The following MCC variants were observed in gnomAD, a reference collection of about 807,000 sequenced individuals.
MCC encodes the protein colorectal mutant cancer protein.
In MCC, 90 loss-of-function variants were observed where a neutral mutation model predicts 116.2. The ratio of observed to expected loss-of-function variants is 0.77; its 90% CI spans 0.65 to 0.92. The LOEUF is 0.92. Ranked by LOEUF, MCC falls within the 40% of genes least tolerant of loss-of-function variation. The probability of loss-of-function intolerance (pLI) is 0.00; values close to 1 mark genes in which losing one functional copy is unlikely to be tolerated. For synonymous variants in MCC, 578 were observed against 510.5 expected (o/e 1.13, Z -1.78); for missense variants, 1,516 against 1,312.2 (o/e 1.16, Z -2.40).
chr5:113,042,709 A>G (rs993402906), intron 17 of MCC, among the ~76,000 whole-genome samples: 5 of 151,952 alleles, frequency 3.3e-5, no homozygotes, highest in African/African-American at 9.7e-5. Flanking sequence ...GTGGCTCTTG[A>G]GAACTTGAAA....
At chr5:113,271,293 T>C (rs1765609180) in intron 3 of MCC, among the ~76,000 whole-genome samples, 1 of 152,136 alleles carries the variant, frequency 6.6e-6, no homozygotes, top group African/African-American at 2.4e-5. Context: ...ACCACCTACC[T>C]AGAACACTAG....
chr5:113,487,169 T>C (rs1252618791), intron 1 of MCC, among the ~76,000 whole-genome samples: 1 of 151,662 alleles, frequency 6.6e-6, no homozygotes, highest in African/African-American at 2.4e-5. Context: ...TTTTTTATTT[T>C]AAGGGAAAAA....
chr5:113,337,359 G>A lies in MCC; in HGVS notation c.627+3160C>T, dbSNP rs1019047596. On this transcript the variant is annotated intron_variant, in intron 3 of 18. Transcript: ENST00000408903. ...TGGTATACCAGGAGGCTGGACGAAG[G>A]TTCAGAAGTTTGGTTTCCTGCTTGC... is the stretch of plus-strand genomic sequence containing the variant. Among the ~76,000 whole-genome samples, 4 of 152,172 alleles carry A rather than the reference G, an allele frequency of 2.6e-5. 1 individual carries two copies. Among genetic ancestry groups the A allele is most frequent in the African/African-American group, 4.8e-5 (2 of 41,438 alleles).
In MCC at chr5:113,233,296, G is replaced by A. The variant is rs143502006; in HGVS notation, c.628-81874C>T. On this transcript the variant is annotated intron_variant, in intron 3 of 18. Transcript: ENST00000408903. ...AGCTGAAAATACCCATATTAAGGGC[G>A]GAAAGTTGCCAAAAGGTTTGATGTT... Among the ~76,000 whole-genome samples, 997 of 152,276 alleles carry A rather than the reference G, an allele frequency of 6.5e-3. 8 individuals carry two copies. Among genetic ancestry groups the A allele is most frequent in the South Asian group, 0.014 (69 of 4,816 alleles).
At position 113,024,064 on chromosome 5, in the gene MCC, C is replaced by G. The variant is rs966544350; in HGVS notation, c.*3238G>C. The G allele has an allele frequency of 4.6e-5, 7 of 152,152 alleles. No individual in the cohort carries two copies. Among genetic ancestry groups the G allele is most frequent in the Non-Finnish European group, 7.3e-5 (5 of 68,032 alleles). The allele number at this position is 152,152 out of a possible 1,614,324, so 9.4% of individuals were successfully genotyped here. A position where few individuals can be genotyped will look rare whatever the true frequency, so the allele number is the denominator to read the frequency against. ...GGTAACTTTCTTTACTACTCCTTAA[C>G]AGCTTTTAAGAAAAAGCCTATGGGC... On this transcript the variant is annotated 3_prime_UTR_variant, in exon 19 of 19. Coordinates refer to ENST00000408903, the MANE Select transcript of MCC (RefSeq NM_001085377.2).
At chr5:113,048,674 G>C (rs1752278604) in intron 16 of MCC, 1 of 292,436 alleles carries the variant, frequency 3.4e-6, no homozygotes, top group East Asian at 6.0e-5. Flanking sequence ...ATATATAAGG[G>C]TTCAGTATTA....
chr5:113,460,283 G>T (rs1771708606), intron 1 of MCC, among the ~76,000 whole-genome samples: 1 of 152,134 alleles, frequency 6.6e-6, no homozygotes, highest in African/African-American at 2.4e-5. Flanking sequence ...TGAAGCCTGA[G>T]GCATGTGACA....
chr5:113,026,715 C>A lies in MCC; in HGVS notation c.*587G>T, dbSNP rs763967093. 2.0e-5 allele frequency: 3 copies of A among 152,786 alleles called. No homozygotes were observed. The highest frequency in any genetic ancestry group is 7.2e-5 in the African/African-American group (3 of 41,448). 9.5% of individuals were successfully genotyped at this position (152,786 alleles called of 1,614,324 possible). The stretch of plus-strand genomic sequence containing the variant: ...TGGGACTGTAAGTAACACCTGTCTA[C>A]GCTCTTCCCATGACCTATAACTCCC... On this transcript the variant is annotated 3_prime_UTR_variant, in exon 19 of 19. Transcript: ENST00000408903.
chr5:113,125,094 A>T (rs980871461), intron 5 of MCC, among the ~76,000 whole-genome samples: 1 of 152,376 alleles, frequency 6.6e-6, no homozygotes, highest in African/African-American at 2.4e-5. Context: ...CACAGGATGG[A>T]AACATGAGGC....
At chr5:113,393,064 G>C (rs986041236) in intron 1 of MCC, among the ~76,000 whole-genome samples, 1 of 152,074 alleles carries the variant, frequency 6.6e-6, no homozygotes, top group Admixed American at 6.6e-5. Context: ...TATAAACTGT[G>C]TATAGATTTA....
chr5:113,192,662 A>T (rs994826343), intron 3 of MCC, among the ~76,000 whole-genome samples: 7 of 152,330 alleles, frequency 4.6e-5, no homozygotes, highest in Non-Finnish European at 7.4e-5. Flanking sequence ...CTCCTTTTCC[A>T]TAAGTTTGTA....
At chr5:113,240,727 T>C (rs1764333349) in intron 3 of MCC, among the ~76,000 whole-genome samples, 1 of 152,214 alleles carries the variant, frequency 6.6e-6, no homozygotes, top group Non-Finnish European at 1.5e-5. Context: ...CTGGGCCATT[T>C]AAATCACCCA....
At chr5:113,290,492 T>C (rs945653289) in intron 3 of MCC, among the ~76,000 whole-genome samples, 1 of 152,238 alleles carries the variant, frequency 6.6e-6, no homozygotes, top group Non-Finnish European at 1.5e-5. Context: ...TGTACATAAA[T>C]AGGCAACTGT....
intron 3 of MCC, among the ~76,000 whole-genome samples, chr5:113,199,615 G>A (rs955832073): frequency 6.6e-6 from 1 of 152,338 alleles, no homozygotes; most frequent in African/African-American, 2.4e-5. Flanking sequence ...AGCAGACACT[G>A]TGTGCCATGG....
At chr5:113,256,398 G>A (rs970568790) in intron 3 of MCC, among the ~76,000 whole-genome samples, 1 of 152,190 alleles carries the variant, frequency 6.6e-6, no homozygotes, top group Non-Finnish European at 1.5e-5. Context: ...GTCTACTGGG[G>A]CCAGCAGGCA....
intron 3 of MCC, among the ~76,000 whole-genome samples, chr5:113,168,259 G>T (rs1304750942): frequency 6.6e-6 from 1 of 152,168 alleles, no homozygotes; most frequent in East Asian, 1.9e-4. Flanking sequence ...GAGCCATAAA[G>T]AATTCATAAC....
chr5:113,099,005 C>G lies in MCC; in HGVS notation c.1398+2734G>C, dbSNP rs568145481. 3.3e-5 allele frequency among the ~76,000 whole-genome samples: 5 copies of G among 152,176 alleles called. 1 individual carries two copies. The highest frequency in any genetic ancestry group is 1.2e-4 in the African/African-American group (5 of 41,524). ...ACAATGACAACCACGAAGGACAGATCCCTCCTGAGGGAAATAAAGCACACT... is the reference window on the plus strand; with the variant it reads ...ACAATGACAACCACGAAGGACAGATGCCTCCTGAGGGAAATAAAGCACACT... On this transcript the variant is annotated intron_variant, in intron 8 of 18. Transcript: ENST00000408903.
intron 1 of MCC, among the ~76,000 whole-genome samples, chr5:113,465,088 A>G (rs543947713): frequency 6.6e-6 from 1 of 152,128 alleles, no homozygotes; most frequent in African/African-American, 2.4e-5. Context: ...GCCTGAAAAT[A>G]GCCAAGATTT....
chr5:113,356,245 C>T (rs562724560), intron 2 of MCC, among the ~76,000 whole-genome samples: 1 of 151,570 alleles, frequency 6.6e-6, no homozygotes, highest in African/African-American at 2.4e-5. Flanking sequence ...CTATGTTGTC[C>T]CAGTTGGTCT....
Sources: allele counts gnomAD v4.1 joint callset (sites outside exome capture counted in the v4.1 genomes callset), GRCh38; gene constraint gnomAD v4.1.1; transcripts MANE v1.5; gene names NCBI Gene and HGNC (gene_info 2026-07-23, HGNC 2026-07-21).